Variants in COG5 observed in about 807,000 individuals in gnomAD.
The protein encoded by COG5 is conserved oligomeric Golgi complex subunit 5.
COG5 carries 86 observed loss-of-function variants against 110.4 expected under a neutral mutation model. The ratio of observed to expected loss-of-function variants is 0.78; its 90% CI spans 0.65 to 0.93. The LOEUF (loss-of-function observed/expected upper bound fraction) is 0.93. Ranked by LOEUF, COG5 falls within the 40% of genes least tolerant of loss-of-function variation. The pLI, the probability that COG5 is intolerant of heterozygous loss-of-function variation, is 0.00. For synonymous variants in COG5, 360 were observed against 334.6 expected (o/e 1.08, Z -0.83); for missense variants, 1,077 against 987.0 (o/e 1.09, Z -1.22).
chr7:107,432,367 A>C (rs1030653890), intron 6 of COG5, among the ~76,000 whole-genome samples: 1 of 152,224 alleles, frequency 6.6e-6, no homozygotes, highest in Non-Finnish European at 1.5e-5. Flanking sequence ...AAACTGATAA[A>C]ATATGCCAGG....
chr7:107,449,533 G>A (rs1795208722), intron 6 of COG5, among the ~76,000 whole-genome samples: 1 of 152,160 alleles, frequency 6.6e-6, no homozygotes, highest in African/African-American at 2.4e-5. Context: ...ACAATAGAAA[G>A]TGATCTCTTG....
intron 6 of COG5, among the ~76,000 whole-genome samples, chr7:107,519,124 C>T (rs1435248631): frequency 2.0e-5 from 3 of 152,024 alleles, no homozygotes; most frequent in Non-Finnish European, 2.9e-5. Context: ...GACAACATAC[C>T]AGAATCTCTG....
intron 5 of COG5, among the ~76,000 whole-genome samples, chr7:107,531,456 G>GTCTT (rs72448963): frequency 0.4 from 61,050 of 151,440 alleles, 12,787 homozygotes; most frequent in Non-Finnish European, 0.47. Context: ...CTGTCATTTT[G>GTCTT]TATTTATAAG....
intron 18 of COG5, among the ~76,000 whole-genome samples, chr7:107,232,449 C>T (rs575893679): frequency 1.3e-5 from 2 of 152,242 alleles, no homozygotes; most frequent in South Asian, 2.1e-4. Context: ...ATATTTTTCA[C>T]GAAGTGTTTT....
At position 107,558,030 on chromosome 7, in the gene COG5, T is replaced by C. The variant is rs1803456564; in HGVS notation, c.180A>G (p.Gln60=). 6 of 1,614,080 alleles carry C rather than the reference T, an allele frequency of 3.7e-6. No homozygotes were observed. Among genetic ancestry groups the C allele is most frequent in the Middle Eastern group, 3.3e-4 (2 of 6,062 alleles). ...QSIHQAVIAE[Q]LAKLAQGISQ... ...TGATTCCTTGGGCAAGTTTTGCTAG[T>C]TGTTCAGCAATTACAGCTTGATGAA... Residue 60 remains glutamine, a synonymous_variant, in exon 2 of 22, where the codon CAA becomes CAG. Transcript: ENST00000297135.
intron 17 of COG5, among the ~76,000 whole-genome samples, chr7:107,245,563 A>C (rs557963818): frequency 1.3e-5 from 2 of 152,204 alleles, no homozygotes; most frequent in Admixed American, 1.3e-4. Context: ...ATTCCTATAC[A>C]TCACCAACAG....
intron 6 of COG5, among the ~76,000 whole-genome samples, chr7:107,424,037 CT>C (rs1264157269): frequency 6.6e-6 from 1 of 152,098 alleles, no homozygotes; most frequent in African/African-American, 2.4e-5. Flanking sequence ...CTTCTGGAGG[CT>C]GAGGCTGGCG....
intron 12 of COG5, among the ~76,000 whole-genome samples, chr7:107,293,268 C>T (rs1315699665): frequency 6.6e-6 from 1 of 152,154 alleles, no homozygotes; most frequent in African/African-American, 2.4e-5. Context: ...GCTCCCTACT[C>T]CTGACCTCGC....
At chr7:107,323,254 C>T (rs555361194) in intron 11 of COG5, among the ~76,000 whole-genome samples, 4 of 152,144 alleles carry the variant, frequency 2.6e-5, no homozygotes, top group Non-Finnish European at 4.4e-5. Flanking sequence ...ACAGGCCGGG[C>T]GCAGTGGCTC....
chr7:107,390,788 T>G (rs570919436), intron 7 of COG5, among the ~76,000 whole-genome samples: 1 of 149,644 alleles, frequency 6.7e-6, no homozygotes, highest in Non-Finnish European at 1.5e-5. Flanking sequence ...TCGCCACACC[T>G]GACAAATCTG....
chr7:107,239,911 A>G (rs542099443), intron 17 of COG5, among the ~76,000 whole-genome samples: 14 of 152,330 alleles, frequency 9.2e-5, no homozygotes, highest in Admixed American at 7.8e-4. Flanking sequence ...AAACATACGC[A>G]TAACCAAGAA....
At chr7:107,435,867 C>T (rs941305380) in intron 6 of COG5, among the ~76,000 whole-genome samples, 1 of 152,050 alleles carries the variant, frequency 6.6e-6, no homozygotes, top group Non-Finnish European at 1.5e-5. Flanking sequence ...GCAATATTCA[C>T]AATAGCCATG....
intron 6 of COG5, among the ~76,000 whole-genome samples, chr7:107,414,703 C>CTTTTTTTTTTTTTTTTTTTTTTT (rs530323655): frequency 3.2e-5 from 2 of 61,716 alleles, no homozygotes; most frequent in African/African-American, 8.7e-5. Context: ...CTCACTGTCC[C>CTTTTTTTTTTTTTTTTTTTTTTT]TTTTTTTTTT....
In COG5 at chr7:107,395,541, CTTTTTTTTTTTTTTT is replaced by C. The variant is rs67581814; in HGVS notation, c.669+16946_669+16960del. On this transcript the variant is annotated intron_variant, in intron 7 of 21. Transcript: ENST00000297135. ...AAATCGTCTTTACCATGAAGCAGAT[CTTTTTTTTTTTTTTT>C]TTTTTTTTTTTTTTTGAGAAGGAAT... Among the ~76,000 whole-genome samples, 14 of 49,994 alleles carry C rather than the reference CTTTTTTTTTTTTTTT, an allele frequency of 2.8e-4. 1 individual carries two copies. Among genetic ancestry groups the C allele is most frequent in the South Asian group, 7.7e-4 (1 of 1,292 alleles). The allele number at this position is 49,994 out of a possible 152,430, so 32.8% of individuals were successfully genotyped here. A position where few individuals can be genotyped will look rare whatever the true frequency, so the allele number is the denominator to read the frequency against.
At chr7:107,537,588 G>C (rs760177312) in intron 5 of COG5, among the ~76,000 whole-genome samples, 1 of 152,026 alleles carries the variant, frequency 6.6e-6, no homozygotes, top group South Asian at 2.1e-4. Flanking sequence ...GGCCTGTCAG[G>C]GGGTGGGGCC....
At chr7:107,415,717 T>C (rs1044346418) in intron 6 of COG5, among the ~76,000 whole-genome samples, 4 of 149,920 alleles carry the variant, frequency 2.7e-5, no homozygotes, top group Non-Finnish European at 4.4e-5. Flanking sequence ...TGTGCATGAA[T>C]GTATATATGT....
intron 10 of COG5, among the ~76,000 whole-genome samples, chr7:107,337,891 A>G: frequency 6.6e-6 from 1 of 152,288 alleles, no homozygotes; most frequent in East Asian, 1.9e-4. Flanking sequence ...ATGAAAGAAA[A>G]TATCATAAGT....
chr7:107,234,692 A>C (rs979827898), intron 18 of COG5, among the ~76,000 whole-genome samples: 1 of 152,168 alleles, frequency 6.6e-6, no homozygotes, highest in African/African-American at 2.4e-5. Flanking sequence ...GAGAGAGCCC[A>C]GGGAAAGAAG....
chr7:107,247,647 CA>C (rs1232903231), intron 17 of COG5, among the ~76,000 whole-genome samples: 3 of 152,244 alleles, frequency 2.0e-5, no homozygotes, highest in Non-Finnish European at 4.4e-5. Context: ...CAAGCATTTG[CA>C]AATAACTATT....
Sources: gnomAD v4.1 joint callset for allele counts (sites outside exome capture counted in the v4.1 genomes callset) on GRCh38, gnomAD v4.1.1 for gene constraint, MANE v1.5 for transcripts, NCBI Gene and HGNC (gene_info 2026-07-23, HGNC 2026-07-21) for gene names.